CSGALNACT1: variants seen among roughly 807,000 people sequenced by gnomAD.
CSGALNACT1 encodes the protein chondroitin sulfate N-acetylgalactosaminyltransferase 1.
CSGALNACT1 carries 52 observed loss-of-function variants against 51.0 expected under a neutral mutation model. The observed-to-expected ratio is 1.02, with a 90% confidence interval of 0.82 to 1.29. The LOEUF (loss-of-function observed/expected upper bound fraction) is 1.29. CSGALNACT1 is among the 50% of genes most tolerant of loss of function. The pLI is 0.00. For missense variants in CSGALNACT1, 935 were observed against 679.2 expected (o/e 1.38, Z -4.19); for synonymous variants, 341 against 254.4 (o/e 1.34, Z -3.24).
chr8:19,670,654 A>C (rs1300595619), intron 1 of CSGALNACT1, among the ~76,000 whole-genome samples: 9 of 83,188 alleles, frequency 1.1e-4, no homozygotes, highest in South Asian at 4.1e-4. Context: ...TGAAGACAAA[A>C]AAAAAAAAAA....
chr8:19,567,829 C>T (rs2042205063), intron 3 of CSGALNACT1, among the ~76,000 whole-genome samples: 1 of 151,846 alleles, frequency 6.6e-6, no homozygotes, highest in African/African-American at 2.4e-5. Context: ...GTGGAAAAAT[C>T]AATTCTATTT....
chr8:19,465,094 A>G (rs1237529424), intron 4 of CSGALNACT1, among the ~76,000 whole-genome samples: 7 of 152,178 alleles, frequency 4.6e-5, no homozygotes, highest in African/African-American at 1.7e-4. Flanking sequence ...AAAACAACTC[A>G]CACCCCCATC....
At chr8:19,670,290 T>C (rs2059691662) in intron 1 of CSGALNACT1, among the ~76,000 whole-genome samples, 1 of 152,154 alleles carries the variant, frequency 6.6e-6, no homozygotes. Flanking sequence ...CAGTGAGCTT[T>C]TGTGGAATTG....
intron 4 of CSGALNACT1, among the ~76,000 whole-genome samples, chr8:19,494,753 T>C (rs2075126119): frequency 6.6e-6 from 1 of 152,118 alleles, no homozygotes; most frequent in African/African-American, 2.4e-5. Context: ...ACCCTGCCTA[T>C]GGAAACCTTC....
At chr8:19,733,806 CT>C (rs983979360) in intron 1 of CSGALNACT1, among the ~76,000 whole-genome samples, 87 of 151,446 alleles carry the variant, frequency 5.7e-4, no homozygotes, top group South Asian at 4.0e-3. Flanking sequence ...CATTAAGGCC[CT>C]TTTTTTTTCC....
At chr8:19,468,177 G>GT (rs78846236) in intron 4 of CSGALNACT1, among the ~76,000 whole-genome samples, 93,000 of 151,862 alleles carry the variant, frequency 0.61, 29,078 homozygotes, top group East Asian at 0.71. Flanking sequence ...GATAGCAGAT[G>GT]TTTTTTTACC....
At chr8:19,436,824 C>T (rs188655184) in intron 6 of CSGALNACT1, among the ~76,000 whole-genome samples, 2 of 152,242 alleles carry the variant, frequency 1.3e-5, no homozygotes, top group Admixed American at 6.5e-5. Flanking sequence ...GTTGGGAAGA[C>T]CATGTGAGCC....
At chr8:19,491,340 G>T (rs970012954) in intron 4 of CSGALNACT1, among the ~76,000 whole-genome samples, 1 of 152,018 alleles carries the variant, frequency 6.6e-6, no homozygotes, top group Non-Finnish European at 1.5e-5. Context: ...ATACTTCTAT[G>T]ATATAAATAT....
intron 4 of CSGALNACT1, among the ~76,000 whole-genome samples, chr8:19,494,815 T>C (rs962172929): frequency 4.9e-5 from 7 of 144,236 alleles, no homozygotes; most frequent in Admixed American, 1.5e-4. Flanking sequence ...AGAAACCAGA[T>C]GGAACACTCC....
At chr8:19,658,289 G>A (rs1005550650) in intron 1 of CSGALNACT1, among the ~76,000 whole-genome samples, 2 of 152,008 alleles carry the variant, frequency 1.3e-5, no homozygotes, top group African/African-American at 4.8e-5. Context: ...CCTTGATCTT[G>A]GACTTCCCAA....
intron 3 of CSGALNACT1, among the ~76,000 whole-genome samples, chr8:19,525,003 T>C (rs1256514539): frequency 6.6e-6 from 1 of 152,140 alleles, no homozygotes; most frequent in Admixed American, 6.5e-5. Context: ...CCAAGGAAAT[T>C]GAGAAATAGT....
intron 3 of CSGALNACT1, among the ~76,000 whole-genome samples, chr8:19,540,517 A>G (rs1441025987): frequency 3.3e-5 from 5 of 152,198 alleles, no homozygotes; most frequent in African/African-American, 9.7e-5. Context: ...TTGCACTGGG[A>G]TTATAACTTA....
chr8:19,571,541 G>C (rs1052541754), intron 3 of CSGALNACT1, among the ~76,000 whole-genome samples: 5 of 129,770 alleles, frequency 3.9e-5, no homozygotes, highest in African/African-American at 8.6e-5. Flanking sequence ...AACTAATATG[G>C]CTAATACGGC....
At chr8:19,550,521 GT>G (rs576298626) in intron 3 of CSGALNACT1, among the ~76,000 whole-genome samples, 114 of 152,202 alleles carry the variant, frequency 7.5e-4, no homozygotes, top group African/African-American at 2.6e-3. Flanking sequence ...GGTTTTTGAA[GT>G]TTTTTTCTTC....
At chr8:19,561,928 GC>G (rs138335882) in intron 3 of CSGALNACT1, among the ~76,000 whole-genome samples, 2,031 of 152,262 alleles carry the variant, frequency 0.013, 45 homozygotes, top group South Asian at 0.059. Flanking sequence ...TCAGCATGCG[GC>G]CTGATCATGC....
intron 1 of CSGALNACT1, among the ~76,000 whole-genome samples, chr8:19,631,701 G>A (rs1027527561): frequency 1.3e-5 from 2 of 152,178 alleles, no homozygotes; most frequent in Admixed American, 6.5e-5. Context: ...ACAGCATGAG[G>A]ACACCTTAAG....
At position 19,473,169 on chromosome 8, in the gene CSGALNACT1, T is replaced by C. The variant is rs377201497; in HGVS notation, c.635-14527A>G. On this transcript the variant is annotated intron_variant, in intron 4 of 9. Transcript: ENST00000454498. Reference sequence around the variant, plus strand: ...CCCAGAGATGTAAAGATTTTTGATATTCTGGTAAAAAGCCTCAGGATATAC... The same window carrying C: ...CCCAGAGATGTAAAGATTTTTGATACTCTGGTAAAAAGCCTCAGGATATAC... 1.0e-3 allele frequency among the ~76,000 whole-genome samples: 157 copies of C among 152,360 alleles called. 2 individuals are homozygous for C. The highest frequency in any genetic ancestry group is 0.01 in the Middle Eastern group (3 of 294).
intron 3 of CSGALNACT1, among the ~76,000 whole-genome samples, chr8:19,512,701 G>T: frequency 6.6e-6 from 1 of 152,160 alleles, no homozygotes; most frequent in South Asian, 2.1e-4. Flanking sequence ...CAACCTGCAA[G>T]ATATAGAAAT....
intron 1 of CSGALNACT1, among the ~76,000 whole-genome samples, chr8:19,614,074 G>A (rs754602792): frequency 6.6e-6 from 1 of 152,188 alleles, no homozygotes; most frequent in Non-Finnish European, 1.5e-5. Context: ...TCTACTAAAA[G>A]AATGATGTAG....
Sources: gnomAD v4.1 joint callset for allele counts (sites outside exome capture counted in the v4.1 genomes callset) on GRCh38, gnomAD v4.1.1 for gene constraint, MANE v1.5 for transcripts, NCBI Gene and HGNC (gene_info 2026-07-23, HGNC 2026-07-21) for gene names.